IQGAP3: variants seen among roughly 807,000 people sequenced by gnomAD.
IQGAP3 encodes ras GTPase-activating-like protein IQGAP3.
IQGAP3 carries 165 observed loss-of-function variants against 208.2 expected under a neutral mutation model. The ratio of observed to expected loss-of-function variants is 0.79; its 90% CI spans 0.70 to 0.90. The LOEUF (loss-of-function observed/expected upper bound fraction) is 0.90. IQGAP3 is among the 40% of genes least tolerant of loss of function. The pLI, the probability that IQGAP3 is intolerant of heterozygous loss-of-function variation, is 0.00. For synonymous variants in IQGAP3, 703 were observed against 803.6 expected, an observed-to-expected ratio of 0.87 and a Z score of 2.12; for missense variants, 1,811 against 2,043.1, an observed-to-expected ratio of 0.89 and a Z score of 2.19.
rs1352995627 is a variant in IQGAP3 at position 156,540,755 on chromosome 1, T to C, written c.2692A>G (p.Met898Val). The C allele has an allele frequency of 6.2e-7, 1 of 1,614,032 alleles. No homozygotes were observed. Among genetic ancestry groups the C allele is most frequent in the African/African-American group, 1.3e-5 (1 of 74,916 alleles). ...NQQLEQDLNIMDIKIGLLVKN... is the reference protein window; with the variant it reads ...NQQLEQDLNIVDIKIGLLVKN... ...ACCAGCAGGCCAATCTTGATGTCCA[T>C]GATGTTGAGGTCCTGCTCCAGCTGC... The change falls in exon 23 of 38, where the codon ATG becomes GTG. Residue 898 changes from methionine to valine, a missense_variant. Coordinates refer to ENST00000361170, the MANE Select transcript of IQGAP3 (RefSeq NM_178229.5).
Position 156,526,015 on chromosome 1 carries a change from A to T in IQGAP3, c.*471T>A, listed in dbSNP as rs529341766. 2.0e-4 allele frequency: 35 copies of T among 176,880 alleles called. No homozygotes were observed. The highest frequency in any genetic ancestry group is 7.7e-4 in the African/African-American group (33 of 42,724). The allele number at this position is 176,880 out of a possible 1,614,324, so 11.0% of individuals were successfully genotyped here. A position where few individuals can be genotyped will look rare whatever the true frequency, so the allele number is the denominator to read the frequency against. On this transcript the variant is annotated 3_prime_UTR_variant, in exon 38 of 38. Coordinates refer to ENST00000361170, the MANE Select transcript of IQGAP3 (RefSeq NM_178229.5). ...GCAGATCACAGCAGCAGAGCTGCCT[A>T]GACTCAGGAAGGGCAGGAACACCCA...
At chr1:156,570,057 A>C (rs1676578991) in intron 1 of IQGAP3, among the ~76,000 whole-genome samples, 1 of 152,160 alleles carries the variant, frequency 6.6e-6, no homozygotes, top group African/African-American at 2.4e-5. Flanking sequence ...CCTTGGCTTG[A>C]AACTTAACTC....
chr1:156,554,277 G>C lies in IQGAP3; in HGVS notation c.1406C>G (p.Pro469Arg). 6.2e-7 allele frequency: 1 copy of C among 1,613,850 alleles called. No individual in the cohort carries two copies. Among genetic ancestry groups the C allele is most frequent in the Non-Finnish European group, 8.5e-7 (1 of 1,179,928 alleles). The change falls in exon 13 of 38, where the codon CCT becomes CGT. Residue 469 changes from proline to arginine, a missense_variant. Pro to Arg is a moderately radical substitution (Grantham distance 103). Transcript: ENST00000361170. ...TTCCACCTCAGCCAGGCCTGTGGCA[G>C]GGTTCACCAGGCTGCTCCAGAAGCC... is the stretch of plus-strand genomic sequence containing the variant. ...ASGFWSSLVN[P>R]ATGLAEVEGE...
chr1:156,529,766 C>T (rs1439633744), intron 34 of IQGAP3, among the ~76,000 whole-genome samples: 1 of 151,710 alleles, frequency 6.6e-6, no homozygotes, highest in African/African-American at 2.4e-5. Flanking sequence ...ACTAAAAATA[C>T]AAAAATTAGC....
At chr1:156,564,917 C>G (rs533072818) in intron 4 of IQGAP3, among the ~76,000 whole-genome samples, 42 of 152,130 alleles carry the variant, frequency 2.8e-4, no homozygotes, top group African/African-American at 9.9e-4. Context: ...GACACATAGT[C>G]CTAGGGTGCC....
chr1:156,535,033 G>T, intron 28 of IQGAP3, 130 bp downstream of exon 28: 2 of 772,442 alleles, frequency 2.6e-6, no homozygotes, highest in Non-Finnish European at 4.6e-6. Flanking sequence ...CATTTATAGG[G>T]GGCAGCATAT....
At chr1:156,572,422 C>T in intron 1 of IQGAP3, 71 bp downstream of exon 1, 1 of 1,511,546 alleles carries the variant, frequency 6.6e-7, no homozygotes, top group Non-Finnish European at 9.1e-7. Flanking sequence ...GCCCCAATCT[C>T]TCCCGGGACA....
chr1:156,562,586 C>G lies in IQGAP3; in HGVS notation c.877+1G>C, dbSNP rs766334662. The G allele has an allele frequency of 6.2e-7, 1 of 1,613,422 alleles. No homozygotes were observed. The highest frequency in any genetic ancestry group is 8.5e-7 in the Non-Finnish European group (1 of 1,179,354). ...AACCACTCCTGCTCGAGGTCTCTTA[C>G]CGTTGACATGGTTGATATTGCCCTG... On this transcript the variant is annotated splice_donor_variant, in intron 9 of 37. Coordinates refer to ENST00000361170, the MANE Select transcript of IQGAP3 (RefSeq NM_178229.5). LOFTEE classifies it high-confidence loss of function.
In IQGAP3 at chr1:156,537,319, TG is replaced by T; in HGVS notation, c.3283del (p.His1095IlefsTer12). On this transcript the variant is annotated frameshift_variant and splice_region_variant, in exon 27 of 38. Coordinates refer to ENST00000361170, the MANE Select transcript of IQGAP3 (RefSeq NM_178229.5). LOFTEE classifies it high-confidence loss of function. ...CTCCGGGGTGACATCATATGGGAGA[TG>T]GCTATGAGCAGAGAGAGACAAGGTG... Reference protein sequence around the residue: ...QTEAQTGQRSHLPYDVTPEQA... With the variant: ...QTEAQTGQRSXLPYDVTPEQA... The T allele has an allele frequency of 6.2e-7, 1 of 1,612,064 alleles. No individual in the cohort carries two copies. The highest frequency in any genetic ancestry group is 8.5e-7 in the Non-Finnish European group (1 of 1,179,026).
intron 22 of IQGAP3, among the ~76,000 whole-genome samples, chr1:156,543,111 G>A (rs1675065803): frequency 6.6e-6 from 1 of 152,098 alleles, no homozygotes; most frequent in South Asian, 2.1e-4. Context: ...ATAAACTGAA[G>A]AGAAGAAAAA....
At chr1:156,529,141 G>A in intron 34 of IQGAP3, 59 bp from the exon 35 acceptor site, 1 of 1,570,352 alleles carries the variant, frequency 6.4e-7, no homozygotes, top group African/African-American at 1.3e-5. Context: ...GAGCCTTAGG[G>A]CCTGACACAG....
chr1:156,566,036 A>G lies in IQGAP3; in HGVS notation c.351T>C (p.Gly117=), dbSNP rs1676383349. The G allele has an allele frequency of 1.2e-6, 2 of 1,613,266 alleles. No homozygotes were observed. The highest frequency in any genetic ancestry group is 4.5e-5 in the East Asian group (2 of 44,880). ...TCAGGCCCAGTATTACCGAAGGCAG[A>G]CCGATGTGGGCTATTGCAGATAGCC... The part of the protein sequence containing the change: ...NFWLSAIAHI[G]LPSTFFPETT... Residue 117 remains glycine, a synonymous_variant, in exon 4 of 38, where the codon GGT becomes GGC. Coordinates refer to ENST00000361170, the MANE Select transcript of IQGAP3 (RefSeq NM_178229.5).
chr1:156,547,936 C>G, intron 19 of IQGAP3, 137 bp downstream of exon 19: 2 of 786,326 alleles, frequency 2.5e-6, no homozygotes, highest in South Asian at 3.8e-5. Flanking sequence ...TGGTCTGGCT[C>G]CAGAACCTAT....
Position 156,530,229 on chromosome 1 carries a change from G to C in IQGAP3, c.4280C>G (p.Ala1427Gly). The C allele has an allele frequency of 6.2e-7, 1 of 1,613,124 alleles. No homozygotes were observed. The highest frequency in any genetic ancestry group is 8.5e-7 in the Non-Finnish European group (1 of 1,179,884). ...EPLRRHRSLT[A>G]HSLLPLAEKQ... ...CTCTGCCAGTGGCAGGAGGGAGTGAGCTGTCAGTGAGCGGTGTCGTCGCAG... is the reference window on the plus strand; with the variant it reads ...CTCTGCCAGTGGCAGGAGGGAGTGACCTGTCAGTGAGCGGTGTCGTCGCAG... The change falls in exon 34 of 38, where the codon GCT becomes GGT. Residue 1427 changes from alanine (A) to glycine (G), a missense_variant. Ala to Gly is a moderately conservative substitution (Grantham distance 60). Coordinates refer to ENST00000361170, the MANE Select transcript of IQGAP3 (RefSeq NM_178229.5).
At chr1:156,560,581 G>T (rs903297970) in intron 11 of IQGAP3, among the ~76,000 whole-genome samples, 2 of 152,206 alleles carry the variant, frequency 1.3e-5, no homozygotes, top group African/African-American at 4.8e-5. Context: ...CTGAGAAGAT[G>T]AGTTTTTTGC....
In IQGAP3 at chr1:156,526,550, T is replaced by C. The variant is rs1284542510; in HGVS notation, c.4832A>G (p.Asn1611Ser). The change falls in exon 38 of 38, where the codon AAC (asparagine) becomes AGC (serine). Residue 1611 changes from asparagine (N) to serine (S), a missense_variant. Physicochemically the swap from Asn to Ser is conservative, Grantham distance 46 (BLOSUM62 1). Transcript: ENST00000361170. ...AAGGTTGACATTGACTTTGGCCTTGTTGAAGAGTTTCATGACAGCCACACC... is the reference window on the plus strand; with the variant it reads ...AAGGTTGACATTGACTTTGGCCTTGCTGAAGAGTTTCATGACAGCCACACC... ...YEGVAVMKLF[N>S]KAKVNVNLLI... is the part of the protein sequence containing the mutation. The C allele has an allele frequency of 3.1e-6, 5 of 1,614,082 alleles. No homozygotes were observed. The East Asian group carries it at 8.9e-5, about 29-fold the overall frequency.
Position 156,566,024 on chromosome 1 carries a change from T to C in IQGAP3, c.360+3A>G. The C allele has an allele frequency of 1.2e-6, 2 of 1,609,950 alleles. No individual in the cohort carries two copies. Among genetic ancestry groups the C allele is most frequent in the South Asian group, 1.1e-5 (1 of 91,000 alleles). ...GAATACCAATCTTCAGGCCCAGTAT[T>C]ACCGAAGGCAGACCGATGTGGGCTA... On this transcript the variant is annotated splice_donor_region_variant and intron_variant, in intron 4 of 37. Coordinates refer to ENST00000361170, the MANE Select transcript of IQGAP3 (RefSeq NM_178229.5).
Position 156,548,505 on chromosome 1 carries a change from A to G in IQGAP3, c.1994-18T>C, listed in dbSNP as rs1035122927. The G allele has an allele frequency of 2.5e-6, 4 of 1,611,512 alleles. No homozygotes were observed. In the African/African-American group the frequency reaches 5.3e-5, roughly 22 times the overall value. On this transcript the variant is annotated intron_variant, in intron 17 of 37. Coordinates refer to ENST00000361170, the MANE Select transcript of IQGAP3 (RefSeq NM_178229.5). ...TGTGTCTGCTAAGCAGAAACCAAGCAAGCAGAAAAGGTTCAGAGCAGGCAA... is the reference window on the plus strand; with the variant it reads ...TGTGTCTGCTAAGCAGAAACCAAGCGAGCAGAAAAGGTTCAGAGCAGGCAA...
chr1:156,537,463 G>T, intron 26 of IQGAP3, 142 bp from the exon 27 acceptor site: 1 of 758,172 alleles, frequency 1.3e-6, no homozygotes. Flanking sequence ...AAAGGAGAAA[G>T]GGCCAGAATG....
Sources: allele counts gnomAD v4.1 joint callset (sites outside exome capture counted in the v4.1 genomes callset), GRCh38; gene constraint gnomAD v4.1.1; transcripts MANE v1.5; gene names NCBI Gene and HGNC (gene_info 2026-07-23, HGNC 2026-07-21).